Variants in DNAH3 observed in about 807,000 individuals in gnomAD.
The protein encoded by DNAH3 is axonemal beta dynein heavy chain 3.
Under a neutral mutation model 432.5 loss-of-function variants are expected in DNAH3, and 332 were observed. The ratio of observed to expected loss-of-function variants is 0.77; its 90% confidence interval spans 0.70 to 0.84. DNAH3 has a LOEUF of 0.84. DNAH3 is among the 40% of genes least tolerant of loss of function. DNAH3 has a pLI of 0.00. For missense variants in DNAH3, 4,861 were observed against 5,114.0 expected (o/e 0.95, Z 1.51); for synonymous variants, 1,956 against 1,900.2 (o/e 1.03, Z -0.76).
At position 20,952,587 on chromosome 16, in the gene DNAH3, G is replaced by C. The variant is rs747353244; in HGVS notation, c.11072-38C>G. The C allele has an allele frequency of 4.5e-6, 6 of 1,329,122 alleles. No homozygotes were observed. The South Asian group carries it at 7.1e-5, about 16-fold the overall frequency. The allele number at this position is 1,329,122 out of a possible 1,614,324, so 82.3% of individuals were successfully genotyped here. On this transcript the variant is annotated intron_variant, in intron 55 of 61. Transcript: ENST00000261383. ...GAGCAGAGAGAGGCTTCAGTGCTGAGAGCTCTTAATTTCCACTCAAAGACC... is the reference window on the plus strand; with the variant it reads ...GAGCAGAGAGAGGCTTCAGTGCTGACAGCTCTTAATTTCCACTCAAAGACC...
chr16:21,055,252 T>C (rs1480933081), intron 27 of DNAH3, among the ~76,000 whole-genome samples: 3 of 152,152 alleles, frequency 2.0e-5, no homozygotes, highest in Middle Eastern at 3.2e-3. Context: ...GATGGGGTTT[T>C]GCCATGTTGG....
Position 20,947,307 on chromosome 16 carries a change from C to T in DNAH3, c.11343+1176G>A, listed in dbSNP as rs143262406. Among the ~76,000 whole-genome samples the T allele has an allele frequency of 1.5e-3, 224 of 152,266 alleles. 1 individual carries two copies. Among genetic ancestry groups the T allele is most frequent in the African/African-American group, 4.8e-3 (198 of 41,540 alleles). ...AGGGCATGGAAGTTCTCACTCCTTC[C>T]GCCATACTTCACCCTATGCATCTCT... On this transcript the variant is annotated intron_variant, in intron 57 of 61. Coordinates refer to ENST00000261383, the Ensembl canonical transcript of DNAH3.
At chr16:21,113,456 A>AATTTT (rs111827913) in intron 12 of DNAH3, among the ~76,000 whole-genome samples, 40,012 of 151,118 alleles carry the variant, frequency 0.26, 5,326 homozygotes, top group East Asian at 0.31. Context: ...AGTTGTCTTT[A>AATTTT]ATTTTATTTT....
chr16:20,972,635 A>ACC (rs1345077797), intron 51 of DNAH3, among the ~76,000 whole-genome samples: 1 of 151,962 alleles, frequency 6.6e-6, no homozygotes, highest in Non-Finnish European at 1.5e-5. Context: ...TGTGACTCTG[A>ACC]CAGGGATCAG....
rs952941538 is a variant in DNAH3, at chr16:21,069,399, G to A, written c.3381+16C>T. 1 of 1,604,536 alleles carries A rather than the reference G, an allele frequency of 6.2e-7. No individual in the cohort carries two copies. Among genetic ancestry groups the A allele is most frequent in the Admixed American group, 1.7e-5 (1 of 58,696 alleles). The stretch of plus-strand genomic sequence containing the variant: ...GTATTTCTGCTGGTAAGAGTTATTA[G>A]GGTATAAAAACTTACCGCTTGGGAC... On this transcript the variant is annotated intron_variant, in intron 23 of 61. Coordinates refer to ENST00000261383, the Ensembl canonical transcript of DNAH3.
At chr16:21,012,080 C>T (rs1393095112) in intron 41 of DNAH3, among the ~76,000 whole-genome samples, 1 of 152,114 alleles carries the variant, frequency 6.6e-6, no homozygotes, top group Non-Finnish European at 1.5e-5. Flanking sequence ...CCCATCCTTG[C>T]ACTAACAAAG....
intron 41 of DNAH3, 73 bp from the exon 42 acceptor site, chr16:21,003,280 A>T: frequency 2.1e-6 from 2 of 963,496 alleles, no homozygotes; most frequent in Middle Eastern, 2.1e-4. Context: ...GAGGATTTTA[A>T]GTCCCTCAGT....
At chr16:21,009,848 G>C (rs1291360821) in intron 41 of DNAH3, among the ~76,000 whole-genome samples, 1 of 142,282 alleles carries the variant, frequency 7.0e-6, no homozygotes, top group Non-Finnish European at 1.5e-5. Flanking sequence ...CTACGCCACT[G>C]CACTCCAGCC....
chr16:20,965,831 G>C (rs1239717534), intron 52 of DNAH3, among the ~76,000 whole-genome samples: 1 of 151,834 alleles, frequency 6.6e-6, no homozygotes, highest in Non-Finnish European at 1.5e-5. Context: ...TCCTGCCTCA[G>C]CCTCCCAAGG....
At chr16:20,937,207 G>GT (rs1208580843) in intron 59 of DNAH3, among the ~76,000 whole-genome samples, 4 of 151,968 alleles carry the variant, frequency 2.6e-5, no homozygotes, top group African/African-American at 9.7e-5. Context: ...TCAGGCTGGA[G>GT]TAAGTAGTGA....
chr16:21,007,979 G>T (rs898702395), intron 41 of DNAH3, among the ~76,000 whole-genome samples: 1 of 152,016 alleles, frequency 6.6e-6, no homozygotes, highest in African/African-American at 2.4e-5. Flanking sequence ...TAATCATCTT[G>T]GCACCATTGT....
At chr16:20,938,075 G>A (rs1234288686) in intron 59 of DNAH3, among the ~76,000 whole-genome samples, 1 of 152,188 alleles carries the variant, frequency 6.6e-6, no homozygotes, top group Non-Finnish European at 1.5e-5. Context: ...ATTTCTGGAT[G>A]TGTAACCACT....
At chr16:21,096,036 CTGGG>C (rs2091667702) in intron 18 of DNAH3, among the ~76,000 whole-genome samples, 3 of 152,146 alleles carry the variant, frequency 2.0e-5, no homozygotes, top group African/African-American at 7.2e-5. Context: ...TCCCAAAGTG[CTGGG>C]ATTACAGGTA....
intron 1 of DNAH3, among the ~76,000 whole-genome samples, chr16:21,155,274 A>G (rs894338660): frequency 4.6e-5 from 7 of 152,056 alleles, no homozygotes; most frequent in African/African-American, 1.2e-4. Flanking sequence ...GCTGCCAGAC[A>G]AAACAGAAGG....
intron 19 of DNAH3, among the ~76,000 whole-genome samples, chr16:21,084,858 G>A (rs918139683): frequency 7.2e-5 from 11 of 152,012 alleles, no homozygotes; most frequent in African/African-American, 1.4e-4. Context: ...CCGGCCCCGC[G>A]GCATGTTCTC....
intron 37 of DNAH3, among the ~76,000 whole-genome samples, chr16:21,027,586 T>G (rs917393145): frequency 2.6e-5 from 4 of 152,236 alleles, no homozygotes; most frequent in Non-Finnish European, 4.4e-5. Flanking sequence ...ACGCCTGTAA[T>G]CCCAGCACTT....
At chr16:21,062,450 G>C (rs1343574291) in intron 25 of DNAH3, 32 bp downstream of exon 25, 2 of 1,598,438 alleles carry the variant, frequency 1.3e-6, no homozygotes, top group East Asian at 2.2e-5. Context: ...CTGTTATGGA[G>C]AAAAGAACCA....
chr16:21,005,753 G>A (rs1021240921), intron 41 of DNAH3, among the ~76,000 whole-genome samples: 5 of 151,328 alleles, frequency 3.3e-5, no homozygotes, highest in African/African-American at 9.7e-5. Context: ...GAGAATGACC[G>A]CCTGCTGCTT....
chr16:21,120,791 C>T (rs1353724294), exon 11 of DNAH3: 1 of 1,614,190 alleles, frequency 6.2e-7, no homozygotes, highest in Admixed American at 1.7e-5. Flanking sequence ...GGCTCAGCTG[C>T]TTTCACACAT....
Sources: gnomAD v4.1 joint callset for allele counts (sites outside exome capture counted in the v4.1 genomes callset) on GRCh38, gnomAD v4.1.1 for gene constraint, MANE v1.5 for transcripts, NCBI Gene and HGNC (gene_info 2026-07-23, HGNC 2026-07-21) for gene names.